Variants in AGBL1 observed in about 807,000 individuals in gnomAD.
The protein encoded by AGBL1 is AGBL carboxypeptidase 1, also known as cytosolic carboxypeptidase 4.
AGBL1 carries 130 observed loss-of-function variants against 118.9 expected under a neutral mutation model. The observed-to-expected ratio is 1.09, with a 90% confidence interval of 0.95 to 1.26. AGBL1 has a LOEUF of 1.26. Ranked by LOEUF, AGBL1 falls within the 50% of genes most tolerant of loss-of-function variation. AGBL1 has a pLI of 0.00. For missense variants in AGBL1, 1,584 were observed against 1,298.1 expected (o/e 1.22, Z -3.38); for synonymous variants, 555 against 478.9 (o/e 1.16, Z -2.08).
intron 24 of AGBL1, among the ~76,000 whole-genome samples, chr15:87,005,190 A>G (rs1011974551): frequency 6.6e-6 from 1 of 152,016 alleles, no homozygotes; most frequent in African/African-American, 2.4e-5. Context: ...TTCTCGAGGA[A>G]TATCTTTGTG....
intron 18 of AGBL1, among the ~76,000 whole-genome samples, chr15:86,475,206 G>C (rs888249195): frequency 1.3e-5 from 2 of 152,156 alleles, no homozygotes; most frequent in African/African-American, 4.8e-5. Flanking sequence ...TGCCAGCAAC[G>C]GAACAAAGAT....
At chr15:86,439,371 TCTCGTTCAG>T (rs980373201) in intron 18 of AGBL1, among the ~76,000 whole-genome samples, 1 of 152,262 alleles carries the variant, frequency 6.6e-6, no homozygotes, top group African/African-American at 2.4e-5. Flanking sequence ...AGAGATGACA[TCTCGTTCAG>T]CTGAATTCCC....
chr15:86,157,920 A>T (rs978615246), intron 4 of AGBL1, among the ~76,000 whole-genome samples: 2 of 152,176 alleles, frequency 1.3e-5, no homozygotes, highest in Non-Finnish European at 2.9e-5. Context: ...TTCCAATTTC[A>T]AGCCTAAAAT....
chr15:86,661,145 C>T (rs2085530945), intron 21 of AGBL1, among the ~76,000 whole-genome samples: 1 of 152,164 alleles, frequency 6.6e-6, no homozygotes, highest in East Asian at 1.9e-4. Context: ...AGCTATTCTT[C>T]CTTCAGACAT....
intron 21 of AGBL1, among the ~76,000 whole-genome samples, chr15:86,620,174 A>G (rs1036214427): frequency 4.6e-5 from 7 of 152,184 alleles, no homozygotes; most frequent in Middle Eastern, 3.2e-3. Context: ...GTAGAAGATG[A>G]AAAGAAAGAT....
At chr15:86,397,056 A>C (rs2081375842) in intron 17 of AGBL1, among the ~76,000 whole-genome samples, 1 of 152,148 alleles carries the variant, frequency 6.6e-6, no homozygotes, top group Non-Finnish European at 1.5e-5. Flanking sequence ...AAATGGGTAA[A>C]TGTAGATCAG....
intron 15 of AGBL1, among the ~76,000 whole-genome samples, chr15:86,275,198 C>A (rs931755084): frequency 6.6e-6 from 1 of 152,114 alleles, no homozygotes; most frequent in Non-Finnish European, 1.5e-5. Flanking sequence ...GGAAGCTGTG[C>A]GCTTAGAGTG....
intron 22 of AGBL1, among the ~76,000 whole-genome samples, chr15:86,768,002 G>C (rs910097802): frequency 1.3e-5 from 2 of 151,910 alleles, no homozygotes; most frequent in African/African-American, 4.8e-5. Context: ...ATGAAAAAAG[G>C]GCCTTCTTAG....
chr15:86,269,859 G>A (rs2079129959), intron 13 of AGBL1, 60 bp from the exon 14 acceptor site: 3 of 1,577,568 alleles, frequency 1.9e-6, no homozygotes, highest in Non-Finnish European at 2.6e-6. Context: ...GATTCTTAGT[G>A]TCTGAAGTTT....
At chr15:86,163,513 A>G (rs532145325) in intron 5 of AGBL1, among the ~76,000 whole-genome samples, 15 of 152,296 alleles carry the variant, frequency 9.8e-5, no homozygotes, top group African/African-American at 3.6e-4. Context: ...GGGTCACCTA[A>G]GATCAGGAGT....
intron 17 of AGBL1, among the ~76,000 whole-genome samples, chr15:86,360,464 G>A (rs2080788142): frequency 6.6e-6 from 1 of 151,558 alleles, no homozygotes; most frequent in Non-Finnish European, 1.5e-5. Context: ...CTAGTATTGA[G>A]GATTTAAAAA....
intron 9 of AGBL1, among the ~76,000 whole-genome samples, chr15:86,258,496 A>G (rs1303537976): frequency 6.6e-6 from 1 of 152,182 alleles, no homozygotes; most frequent in Non-Finnish European, 1.5e-5. Context: ...ACAGTGCACA[A>G]CCTGGCCAGC....
In AGBL1 at chr15:86,196,868, T is replaced by TGCGCGCGCGC. The variant is rs149539990; in HGVS notation, c.489-28043_489-28034dup. Among the ~76,000 whole-genome samples, 220 of 95,736 alleles carry TGCGCGCGCGC rather than the reference T, an allele frequency of 2.3e-3. 2 individuals are homozygous for TGCGCGCGCGC. Among genetic ancestry groups the TGCGCGCGCGC allele is most frequent in the African/African-American group, 8.8e-3 (194 of 21,982 alleles). The allele number at this position is 95,736 out of a possible 152,430, so 62.8% of individuals were successfully genotyped here. A position where few individuals can be genotyped will look rare whatever the true frequency, so the allele number is the denominator to read the frequency against. Reference sequence around the variant, plus strand: ...CCCTGCATATGCGAATGTGCACATGTGCGCGCGCGCGCACACACACACACA... The same window carrying TGCGCGCGCGC: ...CCCTGCATATGCGAATGTGCACATGTGCGCGCGCGCGCGCGCGCGCGCACACACACACACA... On this transcript the variant is annotated intron_variant, in intron 5 of 22. Transcript: ENST00000614907.
rs550155181 is a variant in AGBL1, at chr15:86,744,714, G to C, written c.3158+70278G>C. Among the ~76,000 whole-genome samples, 466 of 152,242 alleles carry C rather than the reference G, an allele frequency of 3.1e-3. 1 individual carries two copies. Among genetic ancestry groups the C allele is most frequent in the Non-Finnish European group, 4.8e-3 (327 of 68,016 alleles). Reference sequence around the variant, plus strand: ...CCTCCCTCTTTGCACTGAGTCCTGAGACTAATATGGGAGAAAATCACACTT... The same window carrying C: ...CCTCCCTCTTTGCACTGAGTCCTGACACTAATATGGGAGAAAATCACACTT... On this transcript the variant is annotated intron_variant, in intron 22 of 22. Coordinates refer to ENST00000614907, the MANE Select transcript of AGBL1 (RefSeq NM_001386094.1).
chr15:86,917,423 A>G (rs2080437470), downstream of AGBL1, among the ~76,000 whole-genome samples: 1 of 152,264 alleles, frequency 6.6e-6, no homozygotes, highest in South Asian at 2.1e-4. The surrounding 1 kb of genome is among the most constrained non-coding windows in gnomAD (Gnocchi z 4.8). Flanking sequence ...AAATCTGGTC[A>G]TTTAGGGGAG....
chr15:86,735,498 C>CATCT (rs559454675), intron 22 of AGBL1, among the ~76,000 whole-genome samples: 108 of 151,464 alleles, frequency 7.1e-4, no homozygotes, highest in African/African-American at 2.0e-3. Flanking sequence ...ATCATTAGAA[C>CATCT]ATCTATCTAT....
At chr15:86,156,111 G>A (rs912086175) in intron 4 of AGBL1, among the ~76,000 whole-genome samples, 4 of 152,046 alleles carry the variant, frequency 2.6e-5, no homozygotes, top group African/African-American at 7.2e-5. Context: ...AGTAGGGACA[G>A]GGTTTCACCA....
chr15:86,680,554 T>C (rs1320230728), intron 22 of AGBL1, among the ~76,000 whole-genome samples: 5 of 141,700 alleles, frequency 3.5e-5, no homozygotes, highest in African/African-American at 1.3e-4. Context: ...TTTTCTTTCT[T>C]TCTTTCTTTT....
At chr15:86,889,731 C>G (rs2080024006) in intron 22 of AGBL1, among the ~76,000 whole-genome samples, 1 of 152,130 alleles carries the variant, frequency 6.6e-6, no homozygotes, top group African/African-American at 2.4e-5. Flanking sequence ...TGATCTCATT[C>G]CTTTTATGGC....
Sources: gnomAD v4.1 joint callset for allele counts (sites outside exome capture counted in the v4.1 genomes callset) on GRCh38, gnomAD v4.1.1 for gene constraint, Gnocchi (gnomAD v3.1) non-coding constraint, MANE v1.5 for transcripts, NCBI Gene and HGNC (gene_info 2026-07-23, HGNC 2026-07-21) for gene names.